GTPBP1: variants seen among roughly 807,000 people sequenced by gnomAD.
The protein encoded by GTPBP1 is GTP-binding protein 1.
GTPBP1 carries 23 observed loss-of-function variants against 62.0 expected under a neutral mutation model. The observed-to-expected ratio is 0.37, with a 90% CI of 0.27 to 0.53. GTPBP1 has a LOEUF of 0.53. GTPBP1 is among the 20% of genes least tolerant of loss of function. The pLI is 0.89. For missense variants in GTPBP1, 640 were observed against 917.3 expected, an observed-to-expected ratio of 0.70 and a Z score of 3.90; for synonymous variants, 344 against 364.4, an observed-to-expected ratio of 0.94 and a Z score of 0.64.
Position 38,726,218 on chromosome 22 carries a change from T to C in GTPBP1, c.1219-40T>C. On this transcript the variant is annotated intron_variant, in intron 7 of 11. Transcript: ENST00000216044. This position sits in a 1 kb window ranked among gnomAD's most constrained non-coding sequence, Gnocchi z 4.1. ...GTGGCATCAGGGGGTGGGTCTGTGC[T>C]GGGGATGCACTTATGAGGCCAGGGT... 1.2e-6 allele frequency: 2 copies of C among 1,612,078 alleles called. No homozygotes were observed. The highest frequency in any genetic ancestry group is 1.7e-6 in the Non-Finnish European group (2 of 1,178,466).
intron 2 of GTPBP1, 64 bp downstream of exon 2, chr22:38,709,020 C>T (rs930984392): frequency 2.1e-5 from 20 of 964,672 alleles, no homozygotes; most frequent in South Asian, 5.3e-5. Flanking sequence ...GTGGCCCTGC[C>T]GCCTGTAATC....
Position 38,730,807 on chromosome 22 carries a change from C to T in GTPBP1, c.*103C>T. On this transcript the variant is annotated 3_prime_UTR_variant, in exon 12 of 12. Transcript: ENST00000216044. This position sits in a 1 kb window ranked among gnomAD's most constrained non-coding sequence, Gnocchi z 5.6. ...ATGACCGCCACCCAGCCCTCCCGCTCAGGCCACAGCCGGAGCCTCCGCATT... is the reference window on the plus strand; with the variant it reads ...ATGACCGCCACCCAGCCCTCCCGCTTAGGCCACAGCCGGAGCCTCCGCATT... The T allele has an allele frequency of 3.1e-6, 2 of 639,666 alleles. No homozygotes were observed. The highest frequency in any genetic ancestry group is 5.3e-6 in the Non-Finnish European group (2 of 379,592). 39.6% of individuals were successfully genotyped at this position (639,666 alleles called of 1,614,324 possible). A position where few individuals can be genotyped will look rare whatever the true frequency, so the allele number is the denominator to read the frequency against.
chr22:38,738,422 C>G (rs1478366937), downstream of GTPBP1: 1 of 1,147,036 alleles, frequency 8.7e-7, no homozygotes, highest in East Asian at 2.4e-5. The surrounding 1 kb of genome is among the most constrained non-coding windows in gnomAD (Gnocchi z 6.6). Flanking sequence ...CCTCCAAAGC[C>G]TAAGGTAACA....
In GTPBP1 at chr22:38,724,342, G is replaced by C; in HGVS notation, c.1004G>C (p.Arg335Pro). 1 of 1,613,658 alleles carries C rather than the reference G, an allele frequency of 6.2e-7. No individual in the cohort carries two copies. The highest frequency in any genetic ancestry group is 8.5e-7 in the Non-Finnish European group (1 of 1,179,660). ...LQRLLKSPGC[R>P]KIPVLVQSKD... ...CGCCTGCTGAAGTCACCAGGCTGCC[G>C]GAAGATCCCCGTGCTGGTGCAGAGC... The change falls in exon 6 of 12, where the codon CGG (arginine) becomes CCG (proline). Residue 335 changes from arginine (R) to proline (P), a missense_variant. Arg to Pro is a moderately radical substitution (Grantham distance 103). Transcript: ENST00000216044.
rs1396583580 is a variant in GTPBP1, at chr22:38,731,011, TGTGTGTG to T, written c.*308_*314del. 1.6e-3 allele frequency: 97 copies of T among 60,480 alleles called. No individual in the cohort carries two copies. Among genetic ancestry groups the T allele is most frequent in the African/African-American group, 6.4e-3 (93 of 14,438 alleles). The allele number at this position is 60,480 out of a possible 1,614,324, so 3.7% of individuals were successfully genotyped here. ...ATTATATGTCTCTGTCTCTCTCTAT[TGTGTGTG>T]TGTGTGTGTGTGTGTGTGTGTGTGT... On this transcript the variant is annotated 3_prime_UTR_variant, in exon 12 of 12. Coordinates refer to ENST00000216044, the MANE Select transcript of GTPBP1 (RefSeq NM_004286.5).
In GTPBP1 at chr22:38,727,231, C is replaced by A. The variant is rs757367839; in HGVS notation, c.1420C>A (p.Arg474=). 5 of 1,592,866 alleles carry A rather than the reference C, an allele frequency of 3.1e-6. No homozygotes were observed. Among genetic ancestry groups the A allele is most frequent in the Non-Finnish European group, 4.3e-6 (5 of 1,169,930 alleles). ...CTTTCAGATCAAGCGCTCGTCCATCCGGAAGGGCATGGTGATGGTTTCCCC... is the reference window on the plus strand; with the variant it reads ...CTTTCAGATCAAGCGCTCGTCCATCAGGAAGGGCATGGTGATGGTTTCCCC... ...ALKKIKRSSI[R]KGMVMVSPRL... is the part of the protein sequence containing the mutation. The change falls in exon 9 of 12, where the codon CGG becomes AGG. Residue 474 remains arginine, a synonymous_variant. Transcript: ENST00000216044. This position sits in a 1 kb window ranked among gnomAD's most constrained non-coding sequence, Gnocchi z 6.5.
At position 38,721,856 on chromosome 22, in the gene GTPBP1, A is replaced by G; in HGVS notation, c.949A>G (p.Ile317Val). ...CAAGATTGACATGTGTCCTGCCAAC[A>G]TCCTGCAAGGTAAGTGAAGCCTCCA... The part of the protein sequence containing the change: ...VTKIDMCPAN[I>V]LQETLKLLQR... The change falls in exon 5 of 12, where the codon ATC becomes GTC. Residue 317 changes from isoleucine (I) to valine (V), a missense_variant. Coordinates refer to ENST00000216044, the MANE Select transcript of GTPBP1 (RefSeq NM_004286.5). 1 of 1,588,704 alleles carries G rather than the reference A, an allele frequency of 6.3e-7. No individual in the cohort carries two copies. The highest frequency in any genetic ancestry group is 8.6e-7 in the Non-Finnish European group (1 of 1,161,834).
rs1220006692 is a variant in GTPBP1 at position 38,731,737 on chromosome 22, A to G, written c.*1033A>G. The G allele has an allele frequency of 6.6e-6, 1 of 152,494 alleles. No homozygotes were observed. The allele number at this position is 152,494 out of a possible 1,614,324, so 9.4% of individuals were successfully genotyped here. A position where few individuals can be genotyped will look rare whatever the true frequency, so the allele number is the denominator to read the frequency against. ...TGAGACTAGAACCCCATCTTCCCTG[A>G]GCCAGGCTGAGACTAGAACCCCATC... On this transcript the variant is annotated 3_prime_UTR_variant, in exon 12 of 12. Coordinates refer to ENST00000216044, the MANE Select transcript of GTPBP1 (RefSeq NM_004286.5).
downstream of GTPBP1, chr22:38,740,245 G>A: frequency 6.5e-7 from 1 of 1,535,124 alleles, no homozygotes; most frequent in Non-Finnish European, 8.8e-7. The surrounding 1 kb of genome is among the most constrained non-coding windows in gnomAD (Gnocchi z 4.8). Flanking sequence ...GGACCAGCAG[G>A]GCCCTGGTGG....
chr22:38,726,058 C>A lies in GTPBP1; in HGVS notation c.1126C>A (p.Leu376Met), dbSNP rs1466458445. Residue 376 changes from leucine to methionine, a missense_variant, in exon 7 of 12, where the codon CTG becomes ATG. Coordinates refer to ENST00000216044, the MANE Select transcript of GTPBP1 (RefSeq NM_004286.5). The surrounding 1 kb of genome is among the most constrained non-coding windows in gnomAD (Gnocchi z 4.1). Reference protein sequence around the residue: ...SNVTGENLDLLKMFLNLLSPR... With the variant: ...SNVTGENLDLMKMFLNLLSPR... ...CGTTACAGGCGAGAACCTAGATCTGCTGAAGATGTTCCTCAACCTCCTCTC... is the reference window on the plus strand; with the variant it reads ...CGTTACAGGCGAGAACCTAGATCTGATGAAGATGTTCCTCAACCTCCTCTC... 1.9e-6 allele frequency: 3 copies of A among 1,613,824 alleles called. No individual in the cohort carries two copies. In the Admixed American group the frequency reaches 5.0e-5, roughly 27 times the overall value.
intron 4 of GTPBP1, among the ~76,000 whole-genome samples, chr22:38,719,376 T>C (rs1208220428): frequency 6.6e-6 from 1 of 152,096 alleles, no homozygotes; most frequent in Non-Finnish European, 1.5e-5. Context: ...GGTGCGACTG[T>C]AGTTCACTAT....
intron 1 of GTPBP1, among the ~76,000 whole-genome samples, chr22:38,707,774 A>G (rs1350463232): frequency 6.6e-6 from 1 of 152,222 alleles, no homozygotes; most frequent in Non-Finnish European, 1.5e-5. Context: ...CCTCCTTACA[A>G]TTAAAAAAAA....
chr22:38,727,437 G>A lies in GTPBP1; in HGVS notation c.1537+89G>A. ...CAGCAACCCAGGCCCCCTAGTTCCA[G>A]CTGCAGCTGGGTGGTAGGCCTCCTT... On this transcript the variant is annotated intron_variant, in intron 9 of 11. Transcript: ENST00000216044. This position sits in a 1 kb window ranked among gnomAD's most constrained non-coding sequence, Gnocchi z 6.5. 7.7e-7 allele frequency: 1 copy of A among 1,303,246 alleles called. No individual in the cohort carries two copies. 80.7% of individuals were successfully genotyped at this position (1,303,246 alleles called of 1,614,324 possible).
chr22:38,738,835 G>GC, downstream of GTPBP1: 1 of 1,595,552 alleles, frequency 6.3e-7, no homozygotes, highest in Non-Finnish European at 8.6e-7. The surrounding 1 kb of genome is among the most constrained non-coding windows in gnomAD (Gnocchi z 6.6). Flanking sequence ...CCCTCAGTGT[G>GC]CTCAGAGCCC....
chr22:38,714,254 A>T (rs1200775264), intron 2 of GTPBP1, among the ~76,000 whole-genome samples: 1 of 152,012 alleles, frequency 6.6e-6, no homozygotes, highest in African/African-American at 2.4e-5. Flanking sequence ...CAAGGCGGGC[A>T]GATCACTTGA....
In GTPBP1 at chr22:38,728,116, G is replaced by A. The variant is rs376279615; in HGVS notation, c.1671G>A (p.Leu557=). ...TPEYLHIDQR[L]VFREGRTKAV... ...AGTACCTGCACATAGACCAGCGGCT[G>A]GTGTTCCGGGAAGGCCGCACCAAGG... Residue 557 remains leucine (L), a synonymous_variant, in exon 10 of 12, where the codon CTG becomes CTA. Transcript: ENST00000216044. 5.3e-5 allele frequency: 86 copies of A among 1,613,804 alleles called. 1 individual carries two copies. The highest frequency in any genetic ancestry group is 7.0e-5 in the Non-Finnish European group (82 of 1,179,826).
At chr22:38,713,714 TA>T in intron 2 of GTPBP1, among the ~76,000 whole-genome samples, 1 of 152,262 alleles carries the variant, frequency 6.6e-6, no homozygotes, top group East Asian at 1.9e-4. Flanking sequence ...ACCCCACTGT[TA>T]AAAGGGAACA....
downstream of GTPBP1, chr22:38,740,982 G>A (rs374226808): frequency 5.4e-5 from 85 of 1,580,658 alleles, no homozygotes; most frequent in Admixed American, 2.3e-4. The surrounding 1 kb of genome is among the most constrained non-coding windows in gnomAD (Gnocchi z 4.8). Flanking sequence ...GGAGCAGGCC[G>A]AGGCCAGCTG....
At position 38,708,861 on chromosome 22, in the gene GTPBP1, C is replaced by G. The variant is rs765443816; in HGVS notation, c.209C>G (p.Pro70Arg). Residue 70 changes from proline to arginine, a missense_variant, in exon 2 of 12, where the codon CCT becomes CGT. Around this residue, in one of 4 missense-constraint regions of GTPBP1, gnomAD observed 215 missense variants for 235.1 expected, o/e 0.91. Transcript: ENST00000216044. Reference protein sequence around the residue: ...DLTSKLVLVSPTSEQYDSLLR... With the variant: ...DLTSKLVLVSRTSEQYDSLLR... ...CTTTTCTAGCTGGTTCTAGTGAGCCCTACATCAGAGCAGTATGACAGCCTA... is the reference window on the plus strand; with the variant it reads ...CTTTTCTAGCTGGTTCTAGTGAGCCGTACATCAGAGCAGTATGACAGCCTA... The G allele has an allele frequency of 6.2e-7, 1 of 1,606,044 alleles. No individual in the cohort carries two copies. Among genetic ancestry groups the G allele is most frequent in the Non-Finnish European group, 8.5e-7 (1 of 1,172,628 alleles).
Sources: gnomAD v4.1 joint callset for allele counts (sites outside exome capture counted in the v4.1 genomes callset) on GRCh38, gnomAD v4.1.1 for gene constraint, gnomAD v4.1.1 regional missense constraint, Gnocchi (gnomAD v3.1) non-coding constraint, MANE v1.5 for transcripts, NCBI Gene and HGNC (gene_info 2026-07-23, HGNC 2026-07-21) for gene names.